RANGAP1: variants seen among roughly 807,000 people sequenced by gnomAD.
RANGAP1 encodes ran GTPase-activating protein 1.
In RANGAP1, 38 loss-of-function variants were observed where a neutral mutation model predicts 63.5. The observed-to-expected ratio is 0.60, with a 90% confidence interval of 0.46 to 0.78. The LOEUF (loss-of-function observed/expected upper bound fraction) is 0.78, where lower values mean the gene tolerates loss of function less well. RANGAP1 is among the 30% of genes least tolerant of loss of function. RANGAP1 has a pLI of 0.00. For synonymous variants in RANGAP1, 329 were observed against 310.5 expected, an observed-to-expected ratio of 1.06 and a Z score of -0.63; for missense variants, 630 against 740.3, an observed-to-expected ratio of 0.85 and a Z score of 1.73.
chr22:41,270,437 A>G (rs1435169707), intron 3 of RANGAP1, among the ~76,000 whole-genome samples: 2 of 152,100 alleles, frequency 1.3e-5, no homozygotes, highest in South Asian at 2.1e-4. Flanking sequence ...GAGAGCCACC[A>G]TGCCCAGCCC....
At chr22:41,249,290 G>A (rs1175444917) in intron 15 of RANGAP1, 40 bp downstream of exon 15, 11 of 1,552,980 alleles carry the variant, frequency 7.1e-6, no homozygotes, top group South Asian at 2.5e-5. Context: ...AGAGAAGCCC[G>A]AGAGGGCAGG....
At chr22:41,249,184 AG>A in intron 15 of RANGAP1, 145 bp downstream of exon 15, 1 of 1,163,522 alleles carries the variant, frequency 8.6e-7, no homozygotes, top group Non-Finnish European at 1.2e-6. Flanking sequence ...CTGAGAGCCC[AG>A]GAGGCATGAG....
intron 13 of RANGAP1, among the ~76,000 whole-genome samples, chr22:41,250,115 G>A (rs1299766429): frequency 1.3e-5 from 2 of 152,260 alleles, no homozygotes; most frequent in African/African-American, 4.8e-5. Flanking sequence ...CCGTGGGAAT[G>A]GAGATTTCCT....
chr22:41,252,160 G>T (rs1300760811), intron 12 of RANGAP1, among the ~76,000 whole-genome samples: 1 of 151,944 alleles, frequency 6.6e-6, no homozygotes, highest in Non-Finnish European at 1.5e-5. Flanking sequence ...GTGAAACCTC[G>T]TCTCTACTAA....
At chr22:41,279,459 G>A (rs981250844) in intron 2 of RANGAP1, among the ~76,000 whole-genome samples, 13 of 150,956 alleles carry the variant, frequency 8.6e-5, no homozygotes, top group Non-Finnish European at 1.8e-4. Flanking sequence ...GACAGAGCAC[G>A]ACTCCATCTC....
intron 15 of RANGAP1, among the ~76,000 whole-genome samples, chr22:41,248,584 A>G (rs2033213342): frequency 6.6e-6 from 1 of 152,224 alleles, no homozygotes; most frequent in South Asian, 2.1e-4. Context: ...ACTGACTGGA[A>G]GTGTGGCTGG....
At chr22:41,253,337 C>T (rs1477193592) in intron 11 of RANGAP1, among the ~76,000 whole-genome samples, 1 of 152,234 alleles carries the variant, frequency 6.6e-6, no homozygotes, top group Non-Finnish European at 1.5e-5. Flanking sequence ...CGTAGAACTA[C>T]AGTCCAGCCT....
chr22:41,291,547 G>A, the RANGAP1 span, among the ~76,000 whole-genome samples: 87 of 144,366 alleles, frequency 6.0e-4, no homozygotes, highest in Admixed American at 2.2e-3. Flanking sequence ...GCAGTGAGCC[G>A]AGATCACGCC....
chr22:41,287,525 A>G (rs1322602758), upstream of RANGAP1, among the ~76,000 whole-genome samples: 1 of 151,602 alleles, frequency 6.6e-6, no homozygotes, highest in Non-Finnish European at 1.5e-5. Flanking sequence ...AATTAGTTGG[A>G]CGTGATGGTG....
At chr22:41,260,332 G>T (rs768825243) in intron 6 of RANGAP1, among the ~76,000 whole-genome samples, 31 of 152,104 alleles carry the variant, frequency 2.0e-4, no homozygotes, top group Non-Finnish European at 4.0e-4. Context: ...GGCAGGGAGG[G>T]ATCCAAGGAT....
chr22:41,281,337 C>T (rs5751075), intron 1 of RANGAP1: 1 of 896,118 alleles, frequency 1.1e-6, no homozygotes, highest in Non-Finnish European at 1.4e-6. Flanking sequence ...TCCTCCTCTG[C>T]TAAACTGCCG....
chr22:41,287,905 G>C (rs1160006943), upstream of RANGAP1, among the ~76,000 whole-genome samples: 1 of 152,020 alleles, frequency 6.6e-6, no homozygotes. Context: ...AGAATCGCTT[G>C]AACCCGGGAG....
chr22:41,297,386 T>G, the RANGAP1 span, among the ~76,000 whole-genome samples: 2 of 152,152 alleles, frequency 1.3e-5, no homozygotes, highest in African/African-American at 4.8e-5. Flanking sequence ...GATTTAAATA[T>G]TAAACTCATC....
chr22:41,257,151 C>G lies in RANGAP1; in HGVS notation c.775-327G>C, dbSNP rs2033892293. Among the ~76,000 whole-genome samples, 1 of 152,158 alleles carries G rather than the reference C, an allele frequency of 6.6e-6. No individual in the cohort carries two copies. Among genetic ancestry groups the G allele is most frequent in the African/African-American group, 2.4e-5 (1 of 41,416 alleles). ...TCTGTCCAGAGAAAGACCACTTGCC[C>G]TATACAACTTAGCCAAAATGTGATC... On this transcript the variant is annotated intron_variant, in intron 7 of 15. Coordinates refer to ENST00000356244, the MANE Select transcript of RANGAP1 (RefSeq NM_002883.4). The surrounding 1 kb of genome is among the most constrained non-coding windows in gnomAD (Gnocchi z 4.0).
At chr22:41,291,903 AAAT>A in the RANGAP1 span, among the ~76,000 whole-genome samples, 22 of 151,058 alleles carry the variant, frequency 1.5e-4, no homozygotes, top group African/African-American at 4.1e-4. Flanking sequence ...TCTGTCTCAA[AAAT>A]AATAATAATA....
chr22:41,296,594 C>G, the RANGAP1 span, among the ~76,000 whole-genome samples: 4 of 151,318 alleles, frequency 2.6e-5, no homozygotes, highest in African/African-American at 9.7e-5. Context: ...TTGAAGTGAG[C>G]CGAGATTGTG....
upstream of RANGAP1, among the ~76,000 whole-genome samples, chr22:41,286,553 A>G (rs111750796): frequency 1.1e-3 from 173 of 152,360 alleles, 2 homozygotes; most frequent in African/African-American, 3.9e-3. Context: ...CTTTGTTGAT[A>G]ACAGGTACTG....
intron 3 of RANGAP1, among the ~76,000 whole-genome samples, chr22:41,271,434 C>T (rs2034822314): frequency 1.3e-5 from 2 of 150,160 alleles, no homozygotes; most frequent in African/African-American, 2.4e-5. Flanking sequence ...CAGAGGCTCA[C>T]GCCTGTAATC....
At chr22:41,252,491 C>G (rs891932712) in intron 12 of RANGAP1, among the ~76,000 whole-genome samples, 1 of 152,062 alleles carries the variant, frequency 6.6e-6, no homozygotes, top group East Asian at 1.9e-4. Context: ...GGGCACCCAT[C>G]CTGCAATAGG....
Sources: allele counts gnomAD v4.1 joint callset (sites outside exome capture counted in the v4.1 genomes callset), GRCh38; gene constraint gnomAD v4.1.1; non-coding constraint Gnocchi (gnomAD v3.1); transcripts MANE v1.5; gene names NCBI Gene and HGNC (gene_info 2026-07-23, HGNC 2026-07-21).